Variants in ERBB4 observed in about 807,000 individuals in gnomAD.
ERBB4 encodes the protein receptor tyrosine-protein kinase erbB-4.
A neutral mutation model predicts 158.0 loss-of-function variants in ERBB4; 42 were observed. That is an observed-to-expected ratio of 0.27 (90% CI 0.21 to 0.34). The LOEUF (loss-of-function observed/expected upper bound fraction) is 0.34, where lower values mean the gene tolerates loss of function less well. ERBB4 is among the 10% of genes least tolerant of loss of function. The pLI, the probability that ERBB4 is intolerant of heterozygous loss-of-function variation, is 1.00. For missense variants in ERBB4, 1,333 were observed against 1,624.1 expected, an observed-to-expected ratio of 0.82 and a Z score of 3.08; for synonymous variants, 583 against 558.7, an observed-to-expected ratio of 1.04 and a Z score of -0.61.
At chr2:211,964,619 T>C (rs568411445) in intron 2 of ERBB4, among the ~76,000 whole-genome samples, 1 of 152,272 alleles carries the variant, frequency 6.6e-6, no homozygotes, top group East Asian at 1.9e-4. Context: ...GTTCCAGTAC[T>C]AAAATCTGAT....
intron 3 of ERBB4, among the ~76,000 whole-genome samples, chr2:211,855,078 GC>G (rs35443501): frequency 0.21 from 32,309 of 151,790 alleles, 3,552 homozygotes; most frequent in South Asian, 0.32. Flanking sequence ...ACTTTAATTT[GC>G]TTTTTTTTCT....
intron 20 of ERBB4, among the ~76,000 whole-genome samples, chr2:211,483,952 T>A (rs2065144072): frequency 6.6e-6 from 1 of 152,226 alleles, no homozygotes; most frequent in African/African-American, 2.4e-5. Flanking sequence ...CTATCTGAAA[T>A]TCTTTACCCG....
chr2:212,499,994 C>T (rs189062739), intron 1 of ERBB4, among the ~76,000 whole-genome samples: 37 of 152,210 alleles, frequency 2.4e-4, no homozygotes, highest in Non-Finnish European at 4.1e-4. Context: ...TACATTAACA[C>T]ACATGTTAAA....
intron 1 of ERBB4, among the ~76,000 whole-genome samples, chr2:212,243,372 G>A (rs956919135): frequency 6.6e-5 from 10 of 152,106 alleles, no homozygotes; most frequent in Non-Finnish European, 1.5e-4. Flanking sequence ...AATTCTGTGA[G>A]ATAAGAAGAA....
At chr2:211,569,721 G>T (rs534522798) in intron 19 of ERBB4, among the ~76,000 whole-genome samples, 1 of 152,172 alleles carries the variant, frequency 6.6e-6, no homozygotes, top group Admixed American at 6.5e-5. Context: ...GTCTGAGAAG[G>T]CTCATGTGCT....
At chr2:212,044,283 T>C (rs141074940) in intron 2 of ERBB4, among the ~76,000 whole-genome samples, 32 of 152,268 alleles carry the variant, frequency 2.1e-4, no homozygotes, top group African/African-American at 7.7e-4. Flanking sequence ...GAAAAATAAA[T>C]TTTAATTTCA....
chr2:211,452,007 GA>G (rs5838266), intron 20 of ERBB4, among the ~76,000 whole-genome samples: 127,159 of 151,972 alleles, frequency 0.84, 53,614 homozygotes, highest in African/African-American at 0.94. Flanking sequence ...AGAAATTTTA[GA>G]AAAATCTCTT....
chr2:211,748,998 T>C (rs887059057), intron 5 of ERBB4, among the ~76,000 whole-genome samples: 1 of 152,228 alleles, frequency 6.6e-6, no homozygotes, highest in Non-Finnish European at 1.5e-5. Context: ...AATAATCTCA[T>C]CTTATTTAAA....
At chr2:211,459,148 T>C (rs1299353389) in intron 20 of ERBB4, among the ~76,000 whole-genome samples, 1 of 152,148 alleles carries the variant, frequency 6.6e-6, no homozygotes, top group African/African-American at 2.4e-5. Flanking sequence ...AATTGACTGA[T>C]TATATAGCAT....
At chr2:212,054,219 T>A (rs1048519290) in intron 2 of ERBB4, among the ~76,000 whole-genome samples, 1 of 152,144 alleles carries the variant, frequency 6.6e-6, no homozygotes, top group African/African-American at 2.4e-5. Flanking sequence ...TGGAAAAATA[T>A]AGCATAACTC....
chr2:212,032,867 G>A (rs918441443), intron 2 of ERBB4, among the ~76,000 whole-genome samples: 1 of 151,688 alleles, frequency 6.6e-6, no homozygotes, highest in Non-Finnish European at 1.5e-5. Context: ...TATCATAAGA[G>A]GGAAAGGAAG....
chr2:211,773,909 T>C lies in ERBB4; in HGVS notation c.556+14116A>G, dbSNP rs187547115. Reference sequence around the variant, plus strand: ...CACAATAGGATGTCCTGATCCAACATTGAGGTTGTAAACCCTATTGTCGAT... The same window carrying C: ...CACAATAGGATGTCCTGATCCAACACTGAGGTTGTAAACCCTATTGTCGAT... On this transcript the variant is annotated intron_variant, in intron 4 of 27. Coordinates refer to ENST00000342788, the MANE Select transcript of ERBB4 (RefSeq NM_005235.3). Among the ~76,000 whole-genome samples the C allele has an allele frequency of 2.6e-3, 389 of 151,806 alleles. 3 individuals are homozygous for C. Among genetic ancestry groups the C allele is most frequent in the African/African-American group, 9.0e-3 (374 of 41,394 alleles).
chr2:211,747,666 T>C (rs2075013582), intron 5 of ERBB4, among the ~76,000 whole-genome samples: 1 of 151,990 alleles, frequency 6.6e-6, no homozygotes, highest in Non-Finnish European at 1.5e-5. Context: ...CTGTATAAAT[T>C]GAAGGAAAAT....
chr2:212,164,331 C>T (rs1258634833), intron 1 of ERBB4, among the ~76,000 whole-genome samples: 1 of 151,828 alleles, frequency 6.6e-6, no homozygotes, highest in African/African-American at 2.4e-5. Context: ...TCGAAAACAA[C>T]ATTTTAATAT....
intron 2 of ERBB4, among the ~76,000 whole-genome samples, chr2:211,952,755 A>G (rs1258102471): frequency 2.0e-5 from 3 of 152,034 alleles, no homozygotes; most frequent in African/African-American, 7.2e-5. Context: ...AAACCGTAAT[A>G]GGGGTTAGAA....
chr2:211,606,431 A>C (rs1303750434), intron 19 of ERBB4, among the ~76,000 whole-genome samples: 1 of 95,670 alleles, frequency 1.0e-5, no homozygotes, highest in East Asian at 2.9e-4. Context: ...ATAGAAAAGG[A>C]ATATGGATTT....
At chr2:211,894,676 G>C (rs2079055772) in intron 3 of ERBB4, among the ~76,000 whole-genome samples, 1 of 152,276 alleles carries the variant, frequency 6.6e-6, no homozygotes, top group South Asian at 2.1e-4. Flanking sequence ...TGAATTATAG[G>C]ATAGGGTGCT....
At chr2:211,664,728 G>A (rs2071560302) in intron 15 of ERBB4, among the ~76,000 whole-genome samples, 1 of 152,038 alleles carries the variant, frequency 6.6e-6, no homozygotes, top group Non-Finnish European at 1.5e-5. Flanking sequence ...GCTTCAGATT[G>A]CCCTATATCA....
chr2:211,487,122 A>G (rs1241515369), intron 20 of ERBB4, among the ~76,000 whole-genome samples: 4 of 147,758 alleles, frequency 2.7e-5, no homozygotes, highest in Non-Finnish European at 6.0e-5. Context: ...CATTAGATAT[A>G]TCTCCTAATG....
Sources: allele counts gnomAD v4.1 joint callset (sites outside exome capture counted in the v4.1 genomes callset), GRCh38; gene constraint gnomAD v4.1.1; transcripts MANE v1.5; gene names NCBI Gene and HGNC (gene_info 2026-07-23, HGNC 2026-07-21).